The following ITGB2 variants were observed in gnomAD, a reference collection of about 807,000 sequenced individuals.
ITGB2 encodes the protein integrin subunit beta 2, also known as integrin beta-2.
In ITGB2, 56 loss-of-function variants were observed where a neutral mutation model predicts 86.8. That is an observed-to-expected ratio of 0.65 (90% CI 0.52 to 0.81). ITGB2 has a LOEUF of 0.81. ITGB2 is among the 30% of genes least tolerant of loss of function. The pLI, the probability that ITGB2 is intolerant of heterozygous loss-of-function variation, is 0.00. For missense variants in ITGB2, 948 were observed against 1,061.2 expected, an observed-to-expected ratio of 0.89 and a Z score of 1.48; for synonymous variants, 457 against 450.4, an observed-to-expected ratio of 1.01 and a Z score of -0.19.
At position 44,903,346 on chromosome 21, in the gene ITGB2, T is replaced by G. The variant is rs1016992186; in HGVS notation, c.499+19A>C. 6 of 1,613,090 alleles carry G rather than the reference T, an allele frequency of 3.7e-6. No homozygotes were observed. The highest frequency in any genetic ancestry group is 1.6e-4 in the Middle Eastern group (1 of 6,084). The stretch of plus-strand genomic sequence containing the variant: ...TCTGGGAAAGGACTGGGTTTTGTCC[T>G]GCAGTGCCTGGGCCTCACCAATGCG... On this transcript the variant is annotated intron_variant, in intron 5 of 15. Transcript: ENST00000652462.
intron 12 of ITGB2, 149 bp from the exon 13 acceptor site, chr21:44,889,644 G>A (rs2083756281): frequency 1.2e-6 from 1 of 857,918 alleles, no homozygotes; most frequent in Non-Finnish European, 1.9e-6. Context: ...CACTAGCCAG[G>A]CCCTTCTGCC....
chr21:44,919,078 GC>G (rs756281108), intron 1 of ITGB2, among the ~76,000 whole-genome samples: 15 of 101,920 alleles, frequency 1.5e-4, no homozygotes, highest in Non-Finnish European at 2.3e-4. Context: ...CATACGCTGA[GC>G]GGCAGTGACG....
chr21:44,899,417 G>A (rs2083914884), intron 7 of ITGB2, among the ~76,000 whole-genome samples: 1 of 152,240 alleles, frequency 6.6e-6, no homozygotes, highest in African/African-American at 2.4e-5. Context: ...GTGGGACTGG[G>A]GATGTCCACG....
rs1275635576 is a variant in ITGB2 at position 44,913,084 on chromosome 21, G to A, written c.-3-2299C>T. On this transcript the variant is annotated intron_variant, in intron 1 of 15. Transcript: ENST00000652462. ...CTCCCCCAGGGTGCAGGGTCCAGCC[G>A]GCTTCAGGACTCCCCCAGGGTGCAG... Among the ~76,000 whole-genome samples the A allele has an allele frequency of 4.0e-3, 306 of 76,844 alleles. 10 individuals are homozygous for A. The highest frequency in any genetic ancestry group is 0.015 in the African/African-American group (268 of 17,614). 50.4% of individuals were successfully genotyped at this position (76,844 alleles called of 152,430 possible).
At chr21:44,925,197 CA>C (rs934488172), upstream of ITGB2, among the ~76,000 whole-genome samples, 3 of 150,624 alleles carry the variant, frequency 2.0e-5, no homozygotes, top group Admixed American at 6.6e-5. Flanking sequence ...AAGGATCTTT[CA>C]GGGGGTGGAA....
intron 1 of ITGB2, among the ~76,000 whole-genome samples, chr21:44,919,908 T>C (rs1445691768): frequency 6.6e-6 from 1 of 152,052 alleles, no homozygotes; most frequent in Non-Finnish European, 1.5e-5. Flanking sequence ...GAGTGCAGTG[T>C]TGGGGGAAGG....
rs144280462 is a variant in ITGB2, at chr21:44,901,500, C to T, written c.733G>A (p.Ala245Thr). 2.4e-5 allele frequency: 39 copies of T among 1,613,994 alleles called. No homozygotes were observed. Among genetic ancestry groups the T allele is most frequent in the African/African-American group, 2.4e-4 (18 of 75,044 alleles). Reference protein sequence around the residue: ...GGLDAMMQVAACPEEIGWRNV... With the variant: ...GGLDAMMQVATCPEEIGWRNV... ...AGGGGCAGCGGCCTCACCGGGCAGG[C>T]GGCGACCTGCATCATGGCGTCCAGC... The change falls in exon 6 of 16, where the codon GCC (alanine) becomes ACC (threonine). Residue 245 changes from alanine to threonine, a missense_variant. Ala to Thr is a moderately conservative substitution (Grantham distance 58). Coordinates refer to ENST00000652462, the MANE Select transcript of ITGB2 (RefSeq NM_000211.5).
intron 1 of ITGB2, chr21:44,926,784 T>C (rs1188549008): frequency 6.6e-6 from 1 of 152,252 alleles, no homozygotes; most frequent in Non-Finnish European, 1.5e-5. Context: ...CCATTTGCAG[T>C]CACTTTCACT....
At chr21:44,890,764 C>G (rs574690500) in intron 11 of ITGB2, among the ~76,000 whole-genome samples, 3 of 152,300 alleles carry the variant, frequency 2.0e-5, no homozygotes, top group Non-Finnish European at 4.4e-5. Flanking sequence ...GGCACTGCCA[C>G]GGGCTCTCCT....
intron 7 of ITGB2, among the ~76,000 whole-genome samples, chr21:44,900,049 G>C (rs1568890901): frequency 8.3e-6 from 1 of 120,736 alleles, no homozygotes; most frequent in Non-Finnish European, 1.6e-5. Context: ...GCCCAGGTAG[G>C]GGGGCAGTGG....
Position 44,889,417 on chromosome 21 carries a change from G to A in ITGB2, c.1736C>T (p.Thr579Ile). The A allele has an allele frequency of 6.2e-7, 1 of 1,611,954 alleles. No homozygotes were observed. The highest frequency in any genetic ancestry group is 8.5e-7 in the Non-Finnish European group (1 of 1,179,430). Reference protein sequence around the residue: ...EGSACQCERTTEGCLNPRRVE... With the variant: ...EGSACQCERTIEGCLNPRRVE... The stretch of plus-strand genomic sequence containing the variant: ...ACGCCGCGGGTTCAGGCAGCCCTCA[G>A]TGGTCCTCTCGCACTGGCACGCTGA... Residue 579 changes from threonine (T) to isoleucine (I), a missense_variant, in exon 13 of 16, where the codon ACT (threonine) becomes ATT (isoleucine). Thr to Ile is a moderately conservative substitution (Grantham distance 89). Transcript: ENST00000652462.
At chr21:44,904,430 G>A (rs1226813968) in intron 4 of ITGB2, among the ~76,000 whole-genome samples, 5 of 150,634 alleles carry the variant, frequency 3.3e-5, no homozygotes, top group South Asian at 2.1e-4. Flanking sequence ...ACAGTCACAC[G>A]TAGCACACAC....
At chr21:44,905,883 A>C (rs1200820055) in intron 4 of ITGB2, among the ~76,000 whole-genome samples, 1 of 152,050 alleles carries the variant, frequency 6.6e-6, no homozygotes, top group Non-Finnish European at 1.5e-5. Flanking sequence ...AGGCTAACTC[A>C]GTGGCCGCTG....
At position 44,910,630 on chromosome 21, in the gene ITGB2, C is replaced by G. The variant is rs531564905; in HGVS notation, c.58+95G>C. 6.7e-6 allele frequency: 10 copies of G among 1,490,718 alleles called. No individual in the cohort carries two copies. In the African/African-American group the frequency reaches 1.4e-4, roughly 20 times the overall value. The allele number at this position is 1,490,718 out of a possible 1,614,324, so 92.3% of individuals were successfully genotyped here. ...GTGGCAAGGTCCTTCCCCAGCCTCC[C>G]GGGAACTTCTGTCTATGGGAAAGTG... On this transcript the variant is annotated intron_variant, in intron 2 of 15. Coordinates refer to ENST00000652462, the MANE Select transcript of ITGB2 (RefSeq NM_000211.5).
Position 44,903,381 on chromosome 21 carries a change from G to A in ITGB2, c.483C>T (p.Thr161=), listed in dbSNP as rs750060536. 1.3e-5 allele frequency: 21 copies of A among 1,613,984 alleles called. No homozygotes were observed. In the Admixed American group the frequency reaches 2.5e-4, roughly 19 times the overall value. ...GGGCCTCACCAATGCGGCCGGACTC[G>A]GTGATCTCGTTGAGGGCCCGGAGCA... is the stretch of plus-strand genomic sequence containing the variant. ...GDLLRALNEI[T]ESGRIGFGSF... The change falls in exon 5 of 16, where the codon ACC becomes ACT. Residue 161 remains threonine, a synonymous_variant. Transcript: ENST00000652462.
At chr21:44,899,454 C>A (rs1455838706) in intron 7 of ITGB2, among the ~76,000 whole-genome samples, 2 of 152,228 alleles carry the variant, frequency 1.3e-5, no homozygotes, top group South Asian at 4.1e-4. Flanking sequence ...CTTCCCCACA[C>A]GGTGGACCTG....
At chr21:44,891,688 G>A in intron 11 of ITGB2, 121 bp downstream of exon 11, 2 of 1,151,744 alleles carry the variant, frequency 1.7e-6, no homozygotes, top group African/African-American at 1.5e-5. Context: ...GGGGCCCCCA[G>A]GATGCCTGCT....
At chr21:44,917,306 T>C (rs190024530) in intron 1 of ITGB2, among the ~76,000 whole-genome samples, 1 of 152,254 alleles carries the variant, frequency 6.6e-6, no homozygotes, top group East Asian at 1.9e-4. Flanking sequence ...AGTGAATTTA[T>C]GGGGAAAAAA....
chr21:44,891,048 G>C (rs1183128046), intron 11 of ITGB2, among the ~76,000 whole-genome samples: 5 of 152,214 alleles, frequency 3.3e-5, no homozygotes, highest in African/African-American at 4.8e-5. Flanking sequence ...ACTGCCACCA[G>C]GACGTGGATT....
Sources: gnomAD v4.1 joint callset for allele counts (sites outside exome capture counted in the v4.1 genomes callset) on GRCh38, gnomAD v4.1.1 for gene constraint, MANE v1.5 for transcripts, NCBI Gene and HGNC (gene_info 2026-07-23, HGNC 2026-07-21) for gene names.